Variants in BLNK observed in about 807,000 individuals in gnomAD.
BLNK encodes the protein B cell linker, also known as B-cell linker protein.
BLNK carries 29 observed loss-of-function variants against 73.5 expected under a neutral mutation model. The ratio of observed to expected loss-of-function variants is 0.39; its 90% confidence interval spans 0.29 to 0.54. The LOEUF (loss-of-function observed/expected upper bound fraction) is 0.54, where lower values mean the gene tolerates loss of function less well. BLNK is among the 20% of genes least tolerant of loss of function. The pLI is 0.61. For synonymous variants in BLNK, 176 were observed against 200.8 expected, an observed-to-expected ratio of 0.88 and a Z score of 1.04; for missense variants, 460 against 562.8, an observed-to-expected ratio of 0.82 and a Z score of 1.85.
intron 4 of BLNK, among the ~76,000 whole-genome samples, chr10:96,228,694 A>G (rs1028621742): frequency 5.9e-5 from 9 of 152,176 alleles, no homozygotes; most frequent in African/African-American, 1.7e-4. Flanking sequence ...AGGCAGAAAG[A>G]GTCACTAGGT....
chr10:96,267,603 A>G lies in BLNK; in HGVS notation c.47+3749T>C, dbSNP rs548372319. Among the ~76,000 whole-genome samples the G allele has an allele frequency of 4.6e-5, 7 of 152,362 alleles. No homozygotes were observed. The South Asian group carries it at 1.2e-3, about 27-fold the overall frequency. On this transcript the variant is annotated intron_variant, in intron 1 of 16. Transcript: ENST00000224337. Reference sequence around the variant, plus strand: ...AAAAGGTCTCAGTGAGACCCCTACCAGGAAGACCCAGACACCCACAGCAGG... The same window carrying G: ...AAAAGGTCTCAGTGAGACCCCTACCGGGAAGACCCAGACACCCACAGCAGG...
chr10:96,231,352 T>G (rs1554903968), intron 3 of BLNK, among the ~76,000 whole-genome samples: 1 of 152,162 alleles, frequency 6.6e-6, no homozygotes, highest in Non-Finnish European at 1.5e-5. Context: ...TAAAAAAAAA[T>G]TATCCAATGT....
Position 96,189,742 on chromosome 10 carries a change from G to T in BLNK, c.*2231C>A, listed in dbSNP as rs2083300110. On this transcript the variant is annotated 3_prime_UTR_variant, in exon 17 of 17. Transcript: ENST00000224337. Reference sequence around the variant, plus strand: ...ATCATCATCATCATCATCTTCATCAGCAGCAAGTTTTACTTTTATTCTCTG... The same window carrying T: ...ATCATCATCATCATCATCTTCATCATCAGCAAGTTTTACTTTTATTCTCTG... The T allele has an allele frequency of 1.4e-6, 1 of 725,968 alleles. No homozygotes were observed. Among genetic ancestry groups the T allele is most frequent in the East Asian group, 2.6e-5 (1 of 38,648 alleles). 45.0% of individuals were successfully genotyped at this position (725,968 alleles called of 1,614,324 possible).
intron 1 of BLNK, among the ~76,000 whole-genome samples, chr10:96,261,996 C>T (rs981182528): frequency 4.6e-5 from 7 of 152,118 alleles, no homozygotes; most frequent in African/African-American, 1.4e-4. Flanking sequence ...CTCCAAGCAC[C>T]CTTGGTCATA....
intron 1 of BLNK, among the ~76,000 whole-genome samples, chr10:96,259,058 C>T (rs12414529): frequency 0.072 from 10,937 of 152,244 alleles, 1,199 homozygotes; most frequent in East Asian, 0.54. Flanking sequence ...GGTCTGATTC[C>T]GGAGCCTATG....
At chr10:96,241,145 T>G (rs1842869528) in intron 3 of BLNK, among the ~76,000 whole-genome samples, 1 of 152,234 alleles carries the variant, frequency 6.6e-6, no homozygotes, top group South Asian at 2.1e-4. Flanking sequence ...CTCAGTGTGA[T>G]AAGATTCCCT....
chr10:96,211,039 T>A (rs2083936464), intron 8 of BLNK, among the ~76,000 whole-genome samples: 1 of 151,934 alleles, frequency 6.6e-6, no homozygotes, highest in South Asian at 2.1e-4. Flanking sequence ...ACCTGGCTAA[T>A]TTTTTGTCCA....
At chr10:96,242,122 C>T (rs1554906399) in intron 3 of BLNK, among the ~76,000 whole-genome samples, 2 of 152,126 alleles carry the variant, frequency 1.3e-5, no homozygotes, top group Non-Finnish European at 2.9e-5. Flanking sequence ...TGGGAGGGAC[C>T]TTGTAGGAGA....
intron 4 of BLNK, among the ~76,000 whole-genome samples, chr10:96,228,980 T>G (rs1842387339): frequency 1.3e-5 from 2 of 152,024 alleles, no homozygotes; most frequent in Non-Finnish European, 2.9e-5. Context: ...TATATATATA[T>G]GGGGTATATG....
chr10:96,207,432 C>T (rs973288504), intron 10 of BLNK, among the ~76,000 whole-genome samples: 21 of 152,206 alleles, frequency 1.4e-4, no homozygotes, highest in Non-Finnish European at 1.5e-5. Context: ...AAATGTCAGG[C>T]TTCACAGTAG....
chr10:96,220,443 C>A (rs1288909180), intron 6 of BLNK, among the ~76,000 whole-genome samples: 1 of 152,142 alleles, frequency 6.6e-6, no homozygotes, highest in Non-Finnish European at 1.5e-5. Flanking sequence ...TAGTGTCTGC[C>A]CAACTTTCTC....
At chr10:96,209,589 C>T (rs1170945325) in intron 9 of BLNK, among the ~76,000 whole-genome samples, 4 of 152,016 alleles carry the variant, frequency 2.6e-5, no homozygotes, top group African/African-American at 4.8e-5. Context: ...GACGGGGTTT[C>T]GCCATGTTGG....
chr10:96,238,337 C>A (rs1449790701), intron 3 of BLNK, among the ~76,000 whole-genome samples: 17 of 152,150 alleles, frequency 1.1e-4, no homozygotes, highest in African/African-American at 3.9e-4. Flanking sequence ...ACACTCTTGG[C>A]TTAGAGGGTT....
At chr10:96,226,851 A>G (rs1554902612) in intron 5 of BLNK, among the ~76,000 whole-genome samples, 1 of 151,516 alleles carries the variant, frequency 6.6e-6, no homozygotes, top group African/African-American at 2.4e-5. Context: ...AACAAAACAA[A>G]ACAAAAAAAA....
intron 1 of BLNK, among the ~76,000 whole-genome samples, chr10:96,249,223 G>A (rs925324098): frequency 6.6e-6 from 1 of 152,252 alleles, no homozygotes; most frequent in Non-Finnish European, 1.5e-5. Context: ...GCTAGGCCTT[G>A]GGTTAGGTAA....
chr10:96,242,604 A>C (rs1842913883), intron 3 of BLNK, 131 bp downstream of exon 3: 7 of 926,070 alleles, frequency 7.6e-6, no homozygotes, highest in Non-Finnish European at 1.2e-5. Flanking sequence ...AGATTTAGTC[A>C]TTCTTGAAAT....
rs139653190 is a variant in BLNK at position 96,206,325 on chromosome 10, T to C, written c.817+686A>G. On this transcript the variant is annotated intron_variant, in intron 11 of 16. Coordinates refer to ENST00000224337, the MANE Select transcript of BLNK (RefSeq NM_013314.4). ...ATGTTTTAAGTGCTGATATTATAGA[T>C]GATTCTTCTATTTTTTTCCGGTAAT... Among the ~76,000 whole-genome samples, 7 of 152,302 alleles carry C rather than the reference T, an allele frequency of 4.6e-5. No homozygotes were observed. In the East Asian group the frequency reaches 1.2e-3, roughly 25 times the overall value.
At chr10:96,265,194 G>A (rs574707244) in intron 1 of BLNK, among the ~76,000 whole-genome samples, 12 of 150,622 alleles carry the variant, frequency 8.0e-5, no homozygotes, top group Admixed American at 2.0e-4. Context: ...ATGTTGACCC[G>A]GCTGGTCTTG....
intron 2 of BLNK, 132 bp from the exon 3 acceptor site, chr10:96,242,916 G>T (rs1415934805): frequency 1.2e-6 from 1 of 809,462 alleles, no homozygotes; most frequent in Non-Finnish European, 2.2e-6. Context: ...CCAATCAATG[G>T]ACAGATTTGA....
Sources: allele counts gnomAD v4.1 joint callset (sites outside exome capture counted in the v4.1 genomes callset), GRCh38; gene constraint gnomAD v4.1.1; transcripts MANE v1.5; gene names NCBI Gene and HGNC (gene_info 2026-07-23, HGNC 2026-07-21).